SRBD1: variants seen among roughly 807,000 people sequenced by gnomAD.
SRBD1 encodes the protein S1 RNA binding domain 1, also known as S1 RNA-binding domain-containing protein 1.
In SRBD1, 88 loss-of-function variants were observed where a neutral mutation model predicts 115.3. The ratio of observed to expected loss-of-function variants is 0.76; its 90% CI spans 0.64 to 0.91. The LOEUF (loss-of-function observed/expected upper bound fraction) is 0.91, where lower values mean the gene tolerates loss of function less well. Among genes scored for constraint, SRBD1 ranks in the 40% least tolerant of loss-of-function variants. SRBD1 has a pLI of 0.00. For synonymous variants in SRBD1, 509 were observed against 407.7 expected, an observed-to-expected ratio of 1.25 and a Z score of -2.99; for missense variants, 1,385 against 1,177.4, an observed-to-expected ratio of 1.18 and a Z score of -2.58.
intron 10 of SRBD1, among the ~76,000 whole-genome samples, chr2:45,556,106 T>C (rs10427374): frequency 0.36 from 55,335 of 151,990 alleles, 11,081 homozygotes; most frequent in Non-Finnish European, 0.46. Flanking sequence ...ATCTCTTCCA[T>C]AGAAAGTGTC....
chr2:45,576,605 A>C (rs990315201), intron 7 of SRBD1, among the ~76,000 whole-genome samples: 4 of 152,222 alleles, frequency 2.6e-5, no homozygotes, highest in African/African-American at 9.6e-5. Flanking sequence ...ACAAGATGGG[A>C]GACTGTATAT....
chr2:45,598,933 A>T (rs1291207268), intron 4 of SRBD1, among the ~76,000 whole-genome samples: 1 of 152,206 alleles, frequency 6.6e-6, no homozygotes, highest in African/African-American at 2.4e-5. Flanking sequence ...CAGCCAAAAA[A>T]ACTGGGAGAA....
intron 19 of SRBD1, among the ~76,000 whole-genome samples, chr2:45,410,469 T>A (rs893137140): frequency 1.3e-5 from 2 of 152,182 alleles, no homozygotes; most frequent in African/African-American, 4.8e-5. Context: ...GGCCAAAAAC[T>A]GGAAATAAGC....
chr2:45,471,474 A>G (rs1480781767), intron 16 of SRBD1, among the ~76,000 whole-genome samples: 1 of 152,154 alleles, frequency 6.6e-6, no homozygotes, highest in Non-Finnish European at 1.5e-5. Flanking sequence ...ATATTTTGCT[A>G]TTACAGTAAA....
At chr2:45,396,235 A>G (rs1667143513) in intron 19 of SRBD1, among the ~76,000 whole-genome samples, 1 of 152,202 alleles carries the variant, frequency 6.6e-6, no homozygotes, top group Non-Finnish European at 1.5e-5. Flanking sequence ...GTATAACAAG[A>G]TATGTAAAAT....
chr2:45,405,732 T>C (rs948546079), intron 19 of SRBD1, among the ~76,000 whole-genome samples: 21 of 116,044 alleles, frequency 1.8e-4, no homozygotes, highest in Admixed American at 1.1e-3. Context: ...AAGTTGATAG[T>C]GTCAAATGTG....
chr2:45,450,526 A>G (rs964142871), intron 16 of SRBD1, among the ~76,000 whole-genome samples: 13 of 152,274 alleles, frequency 8.5e-5, no homozygotes, highest in African/African-American at 3.1e-4. Context: ...GCTCTGTAAC[A>G]TTAGTTATCA....
At chr2:45,438,599 A>G (rs1385024370) in intron 16 of SRBD1, among the ~76,000 whole-genome samples, 2 of 152,224 alleles carry the variant, frequency 1.3e-5, no homozygotes, top group Non-Finnish European at 2.9e-5. Flanking sequence ...GAATGGGCTT[A>G]ACAGCAGATT....
chr2:45,571,684 AAGAGTT>A (rs894842774), intron 9 of SRBD1, among the ~76,000 whole-genome samples: 2 of 152,072 alleles, frequency 1.3e-5, no homozygotes, highest in Non-Finnish European at 2.9e-5. Flanking sequence ...ATAGAAAAGT[AAGAGTT>A]AGAAATTATA....
rs1667944625 is a variant in SRBD1, at chr2:45,419,854, C to T, written c.2090G>A (p.Ser697Asn). 4 of 1,613,658 alleles carry T rather than the reference C, an allele frequency of 2.5e-6. No individual in the cohort carries two copies. Among genetic ancestry groups the T allele is most frequent in the Non-Finnish European group, 2.5e-6 (3 of 1,179,874 alleles). The stretch of plus-strand genomic sequence containing the variant: ...AAAGCTGACACATTCTTCTACAACA[C>T]TGTCCAGTGTTGCCTTGAGTAAAGT... ...SQTLLKATLD[S>N]VVEECVSFVG... is the part of the protein sequence containing the mutation. Residue 697 changes from serine to asparagine, a missense_variant, in exon 17 of 21, where the codon AGT becomes AAT. Coordinates refer to ENST00000263736, the MANE Select transcript of SRBD1 (RefSeq NM_018079.5).
At chr2:45,462,576 A>T (rs1334977309) in intron 16 of SRBD1, among the ~76,000 whole-genome samples, 1 of 151,894 alleles carries the variant, frequency 6.6e-6, no homozygotes, top group East Asian at 1.9e-4. Context: ...AAGACAACAC[A>T]TCAGCAGAGT....
At chr2:45,437,492 T>C (rs1262564833) in intron 16 of SRBD1, among the ~76,000 whole-genome samples, 2 of 152,154 alleles carry the variant, frequency 1.3e-5, no homozygotes, top group African/African-American at 4.8e-5. Flanking sequence ...CAACAGGTGG[T>C]GCTGGAACAA....
intron 1 of SRBD1, among the ~76,000 whole-genome samples, chr2:45,610,066 G>A (rs1413794001): frequency 2.6e-5 from 4 of 152,236 alleles, no homozygotes; most frequent in Non-Finnish European, 5.9e-5. Context: ...AGAAGTGATG[G>A]CACATAAGAA....
chr2:45,449,562 T>C (rs1668929310), intron 16 of SRBD1, among the ~76,000 whole-genome samples: 1 of 152,196 alleles, frequency 6.6e-6, no homozygotes, highest in South Asian at 2.1e-4. Context: ...ATTTCAAGTA[T>C]CTAAGCTGTA....
intron 3 of SRBD1, among the ~76,000 whole-genome samples, chr2:45,601,548 G>C (rs1368956943): frequency 6.6e-6 from 1 of 152,134 alleles, no homozygotes; most frequent in African/African-American, 2.4e-5. Context: ...TCTTTCTTCA[G>C]CTTTCTCATC....
intron 10 of SRBD1, among the ~76,000 whole-genome samples, chr2:45,560,506 G>C (rs746915441): frequency 2.8e-4 from 43 of 152,172 alleles, no homozygotes; most frequent in Admixed American, 2.6e-4. Flanking sequence ...CAGTTACGTA[G>C]ATTATCATTT....
intron 20 of SRBD1, among the ~76,000 whole-genome samples, chr2:45,390,256 C>T (rs960427192): frequency 2.6e-5 from 4 of 152,144 alleles, no homozygotes; most frequent in Non-Finnish European, 4.4e-5. Flanking sequence ...ATTCATCAAA[C>T]ATTTGTTAAC....
chr2:45,537,540 TG>T (rs1202503358), intron 14 of SRBD1, among the ~76,000 whole-genome samples: 2 of 152,168 alleles, frequency 1.3e-5, no homozygotes, highest in Non-Finnish European at 2.9e-5. Context: ...AGTAATGGGA[TG>T]TTTTTGTTCT....
Position 45,585,753 on chromosome 2 carries a change from T to C in SRBD1, c.670A>G (p.Ile224Val). ...ATGTTGGCACAAACCCAAGGTTCAATATTAGTTCTCTCAGATAAAACCTGC... is the reference window on the plus strand; with the variant it reads ...ATGTTGGCACAAACCCAAGGTTCAACATTAGTTCTCTCAGATAAAACCTGC... ...MVQVLSERTN[I>V]EPWVCANIIR... The change falls in exon 5 of 21, where the codon ATT becomes GTT. Residue 224 changes from isoleucine (I) to valine (V), a missense_variant. Physicochemically the swap from Ile to Val is conservative, Grantham distance 29 (BLOSUM62 3). Transcript: ENST00000263736. The C allele has an allele frequency of 1.2e-6, 2 of 1,600,630 alleles. No individual in the cohort carries two copies. Among genetic ancestry groups the C allele is most frequent in the Non-Finnish European group, 1.7e-6 (2 of 1,176,910 alleles).
Sources: gnomAD v4.1 joint callset for allele counts (sites outside exome capture counted in the v4.1 genomes callset) on GRCh38, gnomAD v4.1.1 for gene constraint, MANE v1.5 for transcripts, NCBI Gene and HGNC (gene_info 2026-07-23, HGNC 2026-07-21) for gene names.